The following GDPD5 variants were observed in gnomAD, a reference collection of about 807,000 sequenced individuals.
The protein encoded by GDPD5 is glycerophosphodiester phosphodiesterase domain containing 5, also known as glycerophosphodiester phosphodiesterase 2.
GDPD5 carries 48 observed loss-of-function variants against 75.1 expected under a neutral mutation model. The observed-to-expected ratio is 0.64, with a 90% confidence interval of 0.51 to 0.81. GDPD5 has a LOEUF of 0.81. Among genes scored for constraint, GDPD5 ranks in the 40% least tolerant of loss-of-function variants. GDPD5 has a pLI of 0.00. For synonymous variants in GDPD5, 336 were observed against 339.0 expected (o/e 0.99, Z 0.10); for missense variants, 706 against 822.6 (o/e 0.86, Z 1.73).
chr11:75,489,307 C>A (rs1483154341), intron 2 of GDPD5, among the ~76,000 whole-genome samples: 1 of 152,238 alleles, frequency 6.6e-6, no homozygotes, highest in Non-Finnish European at 1.5e-5. Context: ...ATACTAATTT[C>A]ATCACTGTCA....
chr11:75,478,119 C>T (rs924447532), intron 2 of GDPD5, among the ~76,000 whole-genome samples: 10 of 152,210 alleles, frequency 6.6e-5, no homozygotes, highest in African/African-American at 2.2e-4. Context: ...CCTTCTCTTT[C>T]CCCTCCTCTC....
At chr11:75,456,159 G>A (rs1167965949) in intron 6 of GDPD5, among the ~76,000 whole-genome samples, 2 of 152,196 alleles carry the variant, frequency 1.3e-5, no homozygotes, top group Admixed American at 6.5e-5. Flanking sequence ...CAGACATGCT[G>A]GGAGAGCATG....
intron 1 of GDPD5, among the ~76,000 whole-genome samples, chr11:75,495,403 T>C (rs1950191279): frequency 6.6e-6 from 1 of 151,674 alleles, no homozygotes; most frequent in Non-Finnish European, 1.5e-5. Context: ...AAGCAGAGGT[T>C]GCAGTGAGCT....
At chr11:75,500,259 G>C (rs1565215212) in intron 1 of GDPD5, among the ~76,000 whole-genome samples, 1 of 152,036 alleles carries the variant, frequency 6.6e-6, no homozygotes, top group East Asian at 1.9e-4. Context: ...TTCATCCCCT[G>C]CACCCCTTCC....
In GDPD5 at chr11:75,444,417, TG is replaced by T; in HGVS notation, c.792del (p.Ile265SerfsTer51). The T allele has an allele frequency of 6.2e-7, 1 of 1,611,008 alleles. No individual in the cohort carries two copies. The highest frequency in any genetic ancestry group is 8.5e-7 in the Non-Finnish European group (1 of 1,177,458). ...QKLYGLQADI[T>X]ISLDGVPFLM... ...TCTCCCCTCCGCTACACCTACCTGA[TG>T]GTAATGTCAGCCTGGAGCCCGTACA... On this transcript the variant is annotated frameshift_variant, in exon 10 of 17. Coordinates refer to ENST00000336898, the MANE Select transcript of GDPD5 (RefSeq NM_030792.8). LOFTEE classifies it high-confidence loss of function.
intron 7 of GDPD5, 30 bp from the exon 8 acceptor site, chr11:75,449,640 G>A (rs895750630): frequency 2.6e-6 from 4 of 1,554,708 alleles, no homozygotes; most frequent in South Asian, 2.4e-5. Flanking sequence ...AGGGAGACCA[G>A]TAACGCCCAG....
At chr11:75,464,395 T>G (rs2135305551) in intron 3 of GDPD5, among the ~76,000 whole-genome samples, 1 of 152,328 alleles carries the variant, frequency 6.6e-6, no homozygotes, top group African/African-American at 2.4e-5. Context: ...AGTGTATCTG[T>G]GACATCCTCT....
At chr11:75,440,682 A>AGTAGCT (rs1322830374) in intron 14 of GDPD5, among the ~76,000 whole-genome samples, 2 of 152,128 alleles carry the variant, frequency 1.3e-5, no homozygotes, top group Non-Finnish European at 2.9e-5. Context: ...CAGCCTACCG[A>AGTAGCT]GTAGCTAGGA....
chr11:75,482,877 C>G (rs551213646), intron 2 of GDPD5, among the ~76,000 whole-genome samples: 3 of 152,322 alleles, frequency 2.0e-5, no homozygotes, highest in East Asian at 3.9e-4. Flanking sequence ...ATGGGATGGT[C>G]TGCATTAACC....
intron 9 of GDPD5, chr11:75,448,445 C>T: frequency 5.1e-6 from 5 of 982,118 alleles, no homozygotes; most frequent in Non-Finnish European, 6.0e-6. Context: ...AGGAGCTGTG[C>T]TGGGATGCTA....
intron 2 of GDPD5, among the ~76,000 whole-genome samples, chr11:75,480,230 G>A (rs2135381147): frequency 6.6e-6 from 1 of 152,016 alleles, no homozygotes. Context: ...AGCTACTCGG[G>A]AGGCTGAGGC....
In GDPD5 at chr11:75,439,928, C is replaced by T. The variant is rs1344869913; in HGVS notation, c.1507G>A (p.Ala503Thr). 3 of 1,613,990 alleles carry T rather than the reference C, an allele frequency of 1.9e-6. No homozygotes were observed. Among genetic ancestry groups the T allele is most frequent in the Non-Finnish European group, 1.7e-6 (2 of 1,179,924 alleles). Residue 503 changes from alanine (A) to threonine (T), a missense_variant, in exon 15 of 17, where the codon GCC becomes ACC. Coordinates refer to ENST00000336898, the MANE Select transcript of GDPD5 (RefSeq NM_030792.8). ...PDEYCLMWVTADLVSFTLIVG... is the reference protein window; with the variant it reads ...PDEYCLMWVTTDLVSFTLIVG... The stretch of plus-strand genomic sequence containing the variant: ...ATGAGGGTGAAGGAGACCAGGTCGG[C>T]AGTGACCCACATGAGACAGTACTCG...
intron 4 of GDPD5, among the ~76,000 whole-genome samples, chr11:75,461,160 C>G (rs1163972995): frequency 6.6e-6 from 1 of 152,060 alleles, no homozygotes; most frequent in Non-Finnish European, 1.5e-5. Context: ...CTCCATTTCC[C>G]CATCTGTACA....
At chr11:75,448,754 G>T in intron 9 of GDPD5, 1 of 1,209,868 alleles carries the variant, frequency 8.3e-7, no homozygotes, top group Non-Finnish European at 1.0e-6. Context: ...TCTTTGCAGG[G>T]CACTTAGGAC....
chr11:75,455,986 T>C (rs1257570880), intron 6 of GDPD5, among the ~76,000 whole-genome samples: 1 of 152,050 alleles, frequency 6.6e-6, no homozygotes, highest in African/African-American at 2.4e-5. Context: ...GCCAGACGAA[T>C]ACTGAAAACA....
chr11:75,464,296 G>A (rs1949473265), intron 3 of GDPD5, among the ~76,000 whole-genome samples: 1 of 152,220 alleles, frequency 6.6e-6, no homozygotes, highest in Non-Finnish European at 1.5e-5. Flanking sequence ...TGAAATGAGG[G>A]CAATACTAGT....
intron 1 of GDPD5, among the ~76,000 whole-genome samples, chr11:75,505,884 G>C (rs1455842026): frequency 6.6e-6 from 1 of 152,196 alleles, no homozygotes; most frequent in African/African-American, 2.4e-5. Flanking sequence ...TGCAGTCAGA[G>C]AGACAAAATC....
At chr11:75,511,787 C>G (rs1412680780) in intron 1 of GDPD5, among the ~76,000 whole-genome samples, 2 of 152,184 alleles carry the variant, frequency 1.3e-5, no homozygotes, top group Admixed American at 6.5e-5. Flanking sequence ...AAACGTAGCG[C>G]AAAGGAGGGA....
intron 10 of GDPD5, 106 bp from the exon 11 acceptor site, chr11:75,443,392 G>A: frequency 2.2e-6 from 3 of 1,339,362 alleles, no homozygotes; most frequent in Non-Finnish European, 3.1e-6. Context: ...CAGGATCCCG[G>A]CTGGCTCTGC....
Sources: allele counts gnomAD v4.1 joint callset (sites outside exome capture counted in the v4.1 genomes callset), GRCh38; gene constraint gnomAD v4.1.1; transcripts MANE v1.5; gene names NCBI Gene and HGNC (gene_info 2026-07-23, HGNC 2026-07-21).